SLC35A3: variants seen among roughly 807,000 people sequenced by gnomAD.
SLC35A3 encodes solute carrier family 35 member A3, also known as UDP-N-acetylglucosamine transporter.
A neutral mutation model predicts 39.0 loss-of-function variants in SLC35A3; 26 were observed. That is an observed-to-expected ratio of 0.67 (90% CI 0.49 to 0.92). The LOEUF (loss-of-function observed/expected upper bound fraction) is 0.92, where lower values mean the gene tolerates loss of function less well. SLC35A3 is among the 40% of genes least tolerant of loss of function. The pLI, the probability that SLC35A3 is intolerant of heterozygous loss-of-function variation, is 0.00. For missense variants in SLC35A3, 299 were observed against 371.6 expected (o/e 0.80, Z 1.61); for synonymous variants, 135 against 133.1 (o/e 1.01, Z -0.10).
chr1:99,993,813 C>A, intron 2 of SLC35A3, 72 bp downstream of exon 2: 3 of 1,305,394 alleles, frequency 2.3e-6, no homozygotes, highest in Non-Finnish European at 3.3e-6. Flanking sequence ...GGTAACTACA[C>A]ATTTGCACTC....
At chr1:100,019,681 A>G (rs753828883) in intron 7 of SLC35A3, among the ~76,000 whole-genome samples, 4 of 152,034 alleles carry the variant, frequency 2.6e-5, no homozygotes, top group Non-Finnish European at 5.9e-5. Context: ...GTACGCCTAT[A>G]CTTGCATTTC....
rs534100263 is a variant in SLC35A3 at position 100,030,259 on chromosome 1, C to T, written c.*7783C>T. 6.6e-6 allele frequency: 1 copy of T among 152,288 alleles called. No individual in the cohort carries two copies. Among genetic ancestry groups the T allele is most frequent in the East Asian group, 1.9e-4 (1 of 5,190 alleles). The allele number at this position is 152,288 out of a possible 1,614,324, so 9.4% of individuals were successfully genotyped here. A position where few individuals can be genotyped will look rare whatever the true frequency, so the allele number is the denominator to read the frequency against. On this transcript the variant is annotated 3_prime_UTR_variant, in exon 8 of 8. Coordinates refer to ENST00000533028, the MANE Select transcript of SLC35A3 (RefSeq NM_012243.3). Reference sequence around the variant, plus strand: ...GTTCTTTTGGAAATATACAGTTTATCTTAGATATACACTTTCCTCATTTTA... The same window carrying T: ...GTTCTTTTGGAAATATACAGTTTATTTTAGATATACACTTTCCTCATTTTA...
intron 6 of SLC35A3, among the ~76,000 whole-genome samples, chr1:100,016,442 T>C (rs981615984): frequency 2.3e-4 from 34 of 148,612 alleles, no homozygotes; most frequent in East Asian, 2.0e-4. Flanking sequence ...GGCGAGATCT[T>C]GGCTCACTGC....
chr1:99,981,982 C>T (rs1036898453), intron 1 of SLC35A3, among the ~76,000 whole-genome samples: 3 of 150,832 alleles, frequency 2.0e-5, no homozygotes, highest in African/African-American at 7.3e-5. Context: ...TAGGGTTTAC[C>T]TACACCTACA....
intron 1 of SLC35A3, among the ~76,000 whole-genome samples, chr1:99,977,329 C>A (rs563844149): frequency 1.5e-5 from 2 of 136,004 alleles, no homozygotes; most frequent in Non-Finnish European, 3.0e-5. Flanking sequence ...AACAGCCTGA[C>A]GAACATCGCG....
rs111911110 is a variant in SLC35A3 at position 99,970,124 on chromosome 1, C to T, written c.-57C>T. ...GGCGCCCGGCGGAGCTGAACCGCGGCCCCCGGTGGTGGGCTCAGCCGGTCG... is the reference window on the plus strand; with the variant it reads ...GGCGCCCGGCGGAGCTGAACCGCGGTCCCCGGTGGTGGGCTCAGCCGGTCG... On this transcript the variant is annotated 5_prime_UTR_variant, in exon 1 of 8. Transcript: ENST00000533028. 5,062 of 156,290 alleles carry T rather than the reference C, an allele frequency of 0.032. 302 individuals are homozygous for T. The highest frequency in any genetic ancestry group is 0.11 in the African/African-American group (4,761 of 41,624). The allele number at this position is 156,290 out of a possible 1,614,324, so 9.7% of individuals were successfully genotyped here.
Position 100,017,774 on chromosome 1 carries a change from A to G in SLC35A3, c.846A>G (p.Thr282=), listed in dbSNP as rs1308269860. The change falls in exon 7 of 8, where the codon ACA becomes ACG. Residue 282 remains threonine, a synonymous_variant. Coordinates refer to ENST00000533028, the MANE Select transcript of SLC35A3 (RefSeq NM_012243.3). ...CCTCTTTATCGATAATATTATCAAC[A>G]TTGATCTCCTATTTTTGGCTTCAAG... is the stretch of plus-strand genomic sequence containing the variant. ...FATSLSIILS[T]LISYFWLQDF... 3 of 1,575,086 alleles carry G rather than the reference A, an allele frequency of 1.9e-6. No individual in the cohort carries two copies. The South Asian group carries it at 3.6e-5, about 19-fold the overall frequency.
Position 100,023,348 on chromosome 1 carries a change from A to T in SLC35A3, c.*872A>T, listed in dbSNP as rs1266840955. 1 of 152,214 alleles carries T rather than the reference A, an allele frequency of 6.6e-6. No homozygotes were observed. The highest frequency in any genetic ancestry group is 1.5e-5 in the Non-Finnish European group (1 of 68,044). 9.4% of individuals were successfully genotyped at this position (152,214 alleles called of 1,614,324 possible). A position where few individuals can be genotyped will look rare whatever the true frequency, so the allele number is the denominator to read the frequency against. ...TTTAAAAGGATTAAATACTCATTTA[A>T]TAATTTAAAATAATTATTGTATAAT... On this transcript the variant is annotated 3_prime_UTR_variant, in exon 8 of 8. Coordinates refer to ENST00000533028, the MANE Select transcript of SLC35A3 (RefSeq NM_012243.3).
rs1184735601 is a variant in SLC35A3 at position 99,976,226 on chromosome 1, A to G, written c.-19+6064A>G. Among the ~76,000 whole-genome samples, 3 of 152,230 alleles carry G rather than the reference A, an allele frequency of 2.0e-5. No individual in the cohort carries two copies. In the East Asian group the frequency reaches 5.8e-4, roughly 29 times the overall value. On this transcript the variant is annotated intron_variant, in intron 1 of 7. Coordinates refer to ENST00000533028, the MANE Select transcript of SLC35A3 (RefSeq NM_012243.3). ...CTTGAACAGTAAATGTAGAACAAAC[A>G]TAATTAATATATATTTATATTCTCT...
At chr1:100,009,756 G>A (rs1385283498) in intron 4 of SLC35A3, among the ~76,000 whole-genome samples, 1 of 152,176 alleles carries the variant, frequency 6.6e-6, no homozygotes, top group African/African-American at 2.4e-5. Context: ...AGAATGGAGA[G>A]CAAGGAGATT....
chr1:99,996,390 A>G (rs994199863), intron 2 of SLC35A3, among the ~76,000 whole-genome samples: 2 of 152,172 alleles, frequency 1.3e-5, no homozygotes, highest in Non-Finnish European at 2.9e-5. Context: ...AAAAGGGGGC[A>G]AAGGATATAA....
intron 4 of SLC35A3, chr1:100,007,871 T>A (rs526128): frequency 0.22 from 33,161 of 151,614 alleles, 5,008 homozygotes; most frequent in African/African-American, 0.43. Context: ...GGAAGGTTTT[T>A]TTAATACTTA....
At chr1:99,981,338 A>G (rs1657437085) in intron 1 of SLC35A3, among the ~76,000 whole-genome samples, 1 of 152,228 alleles carries the variant, frequency 6.6e-6, no homozygotes, top group African/African-American at 2.4e-5. Flanking sequence ...TATAGTGTTT[A>G]GAAAATGTAA....
intron 6 of SLC35A3, 146 bp from the exon 7 acceptor site, chr1:100,017,536 G>A (rs974240244): frequency 1.0e-5 from 5 of 487,648 alleles, no homozygotes; most frequent in South Asian, 4.4e-5. Context: ...AAGTCTATTC[G>A]TTGTTAAGAG....
Position 100,030,174 on chromosome 1 carries a change from T to C in SLC35A3, c.*7698T>C, listed in dbSNP as rs1661152332. 6.6e-6 allele frequency: 1 copy of C among 152,210 alleles called. No homozygotes were observed. The highest frequency in any genetic ancestry group is 1.5e-5 in the Non-Finnish European group (1 of 68,030). 9.4% of individuals were successfully genotyped at this position (152,210 alleles called of 1,614,324 possible). A position where few individuals can be genotyped will look rare whatever the true frequency, so the allele number is the denominator to read the frequency against. ...TTTTCGTTTAATGCATTTATTTTCA[T>C]TCATTCATTTAGGATTTCTAAAATG... On this transcript the variant is annotated 3_prime_UTR_variant, in exon 8 of 8. Transcript: ENST00000533028.
rs1661165768 is a variant in SLC35A3 at position 100,030,584 on chromosome 1, G to A, written c.*8108G>A. The A allele has an allele frequency of 6.6e-6, 1 of 152,132 alleles. No individual in the cohort carries two copies. Among genetic ancestry groups the A allele is most frequent in the Admixed American group, 6.5e-5 (1 of 15,268 alleles). 9.4% of individuals were successfully genotyped at this position (152,132 alleles called of 1,614,324 possible). A position where few individuals can be genotyped will look rare whatever the true frequency, so the allele number is the denominator to read the frequency against. Reference sequence around the variant, plus strand: ...GGTGACCCAGGGAAGCCAAAAGATTGGACACCCCAGCTTTAAATGTAGAGT... The same window carrying A: ...GGTGACCCAGGGAAGCCAAAAGATTAGACACCCCAGCTTTAAATGTAGAGT... On this transcript the variant is annotated 3_prime_UTR_variant, in exon 8 of 8. Transcript: ENST00000533028.
At chr1:99,988,283 A>G (rs938111008) in intron 1 of SLC35A3, among the ~76,000 whole-genome samples, 22 of 152,170 alleles carry the variant, frequency 1.4e-4, no homozygotes, top group Admixed American at 2.0e-4. Flanking sequence ...AAGATAAAGT[A>G]TACAGTATAC....
intron 1 of SLC35A3, among the ~76,000 whole-genome samples, chr1:99,983,067 AAT>A (rs1277687112): frequency 6.6e-6 from 1 of 152,204 alleles, no homozygotes; most frequent in African/African-American, 2.4e-5. Context: ...ATAATTATAC[AAT>A]AGTTGATTAT....
At chr1:100,013,316 A>AAT (rs1177755700) in intron 5 of SLC35A3, among the ~76,000 whole-genome samples, 15 of 150,970 alleles carry the variant, frequency 9.9e-5, no homozygotes, top group Non-Finnish European at 1.6e-4. Context: ...GTTTCTTAAA[A>AAT]ATATATATAT....
Sources: allele counts gnomAD v4.1 joint callset (sites outside exome capture counted in the v4.1 genomes callset), GRCh38; gene constraint gnomAD v4.1.1; transcripts MANE v1.5; gene names NCBI Gene and HGNC (gene_info 2026-07-23, HGNC 2026-07-21).